Variants in GSDME observed in about 807,000 individuals in gnomAD.
GSDME encodes gasdermin-E.
In GSDME, 44 loss-of-function variants were observed where a neutral mutation model predicts 47.5. The ratio of observed to expected loss-of-function variants is 0.93; its 90% CI spans 0.73 to 1.19. GSDME has a LOEUF of 1.19. Ranked by LOEUF, GSDME falls within the 50% of genes most tolerant of loss-of-function variation. The pLI is 0.00. For synonymous variants in GSDME, 258 were observed against 252.8 expected, an observed-to-expected ratio of 1.02 and a Z score of -0.20; for missense variants, 663 against 604.2, an observed-to-expected ratio of 1.10 and a Z score of -1.02.
intron 3 of GSDME, among the ~76,000 whole-genome samples, chr7:24,741,310 TA>T (rs2128061781): frequency 6.6e-6 from 1 of 152,052 alleles, no homozygotes; most frequent in South Asian, 2.1e-4. Flanking sequence ...AATGAAAGCT[TA>T]TTAAACACAA....
At chr7:24,710,953 C>A (rs568447290) in intron 5 of GSDME, among the ~76,000 whole-genome samples, 105 of 152,192 alleles carry the variant, frequency 6.9e-4, no homozygotes, top group Non-Finnish European at 9.6e-4. Flanking sequence ...AGAATACATT[C>A]TCTCTGAATC....
Position 24,726,595 on chromosome 7 carries a change from G to A in GSDME, c.405-7377C>T, listed in dbSNP as rs1195314019. ...TCCCAGCACTTTGGGAGGCCGAGGC[G>A]GGCGGATCACGAGGTCAGGAGATCG... On this transcript the variant is annotated intron_variant, in intron 3 of 9. Coordinates refer to ENST00000645220, the MANE Select transcript of GSDME (RefSeq NM_001127453.2). This position sits in a 1 kb window ranked among gnomAD's most constrained non-coding sequence, Gnocchi z 5.6. Among the ~76,000 whole-genome samples, 7 of 152,226 alleles carry A rather than the reference G, an allele frequency of 4.6e-5. No homozygotes were observed. Among genetic ancestry groups the A allele is most frequent in the South Asian group, 4.1e-4 (2 of 4,826 alleles).
At position 24,757,287 on chromosome 7, in the gene GSDME, G is replaced by T. The variant is rs2128069315; in HGVS notation, c.-20+109C>A. ...GAGGGGAGGGTGGCCCAGAGAGAAA[G>T]CGCCGCGCGGCCTCGGCTGCCCCCG... On this transcript the variant is annotated intron_variant, in intron 1 of 9. Coordinates refer to ENST00000645220, the MANE Select transcript of GSDME (RefSeq NM_001127453.2). This position sits in a 1 kb window ranked among gnomAD's most constrained non-coding sequence, Gnocchi z 5.9. 1 of 152,726 alleles carries T rather than the reference G, an allele frequency of 6.5e-6. No individual in the cohort carries two copies. 9.5% of individuals were successfully genotyped at this position (152,726 alleles called of 1,614,324 possible).
chr7:24,718,213 C>T (rs1789641501), intron 4 of GSDME, among the ~76,000 whole-genome samples: 4 of 152,250 alleles, frequency 2.6e-5, no homozygotes, highest in Non-Finnish European at 5.9e-5. Context: ...TGGCCCCAGA[C>T]CTCTACCTCC....
chr7:24,719,172 T>A lies in GSDME; in HGVS notation c.451A>T (p.Arg151Trp). 6.2e-7 allele frequency: 1 copy of A among 1,613,806 alleles called. No homozygotes were observed. Among genetic ancestry groups the A allele is most frequent in the Non-Finnish European group, 8.5e-7 (1 of 1,180,016 alleles). ...NPVLQQVLEG[R>W]NEVLCVLTQK... ...GTCAAAACGCACAGGACCTCATTCC[T>A]TCCTTCCAGCACCTGCTGGAGCACA... The change falls in exon 4 of 10, where the codon AGG becomes TGG. Residue 151 changes from arginine to tryptophan, a missense_variant. Coordinates refer to ENST00000645220, the MANE Select transcript of GSDME (RefSeq NM_001127453.2).
chr7:24,727,389 T>C (rs1193987510), intron 3 of GSDME, among the ~76,000 whole-genome samples: 3 of 152,090 alleles, frequency 2.0e-5, no homozygotes, highest in Admixed American at 1.3e-4. Context: ...GGTTTCAACA[T>C]CTCCCCAGAA....
At chr7:24,795,050 C>T in the GSDME span, among the ~76,000 whole-genome samples, 2 of 152,206 alleles carry the variant, frequency 1.3e-5, no homozygotes, top group Non-Finnish European at 2.9e-5. Context: ...GGCCACGCTT[C>T]CACTCAGATG....
the GSDME span, among the ~76,000 whole-genome samples, chr7:24,790,491 A>G: frequency 3.3e-5 from 5 of 152,208 alleles, no homozygotes; most frequent in Non-Finnish European, 1.5e-5. The surrounding 1 kb of genome is among the most constrained non-coding windows in gnomAD (Gnocchi z 4.1). Context: ...GGATGGTTTA[A>G]TAGTGCCAAT....
Position 24,744,383 on chromosome 7 carries a change from C to G in GSDME, c.404+179G>C. The G allele has an allele frequency of 1.4e-6, 1 of 721,516 alleles. No individual in the cohort carries two copies. The highest frequency in any genetic ancestry group is 2.4e-6 in the Non-Finnish European group (1 of 419,740). 44.7% of individuals were successfully genotyped at this position (721,516 alleles called of 1,614,324 possible). ...AGTCTCCCCCCACTCAGGCTAAGAA[C>G]AGTCAAGCAATTCCAGACTAAAGAA... On this transcript the variant is annotated intron_variant, in intron 3 of 9. Coordinates refer to ENST00000645220, the MANE Select transcript of GSDME (RefSeq NM_001127453.2). The surrounding 1 kb of genome is among the most constrained non-coding windows in gnomAD (Gnocchi z 4.5).
chr7:24,712,065 T>C lies in GSDME; in HGVS notation c.698-1677A>G, dbSNP rs1254742412. ...TGCTGAAATGTAGAAGGCATGAGTA[T>C]TAGCAAATATTTTCATTTGCTTGTG... On this transcript the variant is annotated intron_variant, in intron 5 of 9. Coordinates refer to ENST00000645220, the MANE Select transcript of GSDME (RefSeq NM_001127453.2). This position sits in a 1 kb window ranked among gnomAD's most constrained non-coding sequence, Gnocchi z 4.4. 6.6e-6 allele frequency among the ~76,000 whole-genome samples: 1 copy of C among 152,170 alleles called. No individual in the cohort carries two copies. Among genetic ancestry groups the C allele is most frequent in the Admixed American group, 6.5e-5 (1 of 15,280 alleles).
rs112514156 is a variant in GSDME at position 24,710,722 on chromosome 7, T to C, written c.698-334A>G. ...TGATTCTAAACAGACAAATGAAACC[T>C]GACATGCACAAAACAACTAGGAAAA... is the stretch of plus-strand genomic sequence containing the variant. On this transcript the variant is annotated intron_variant, in intron 5 of 9. Transcript: ENST00000645220. 14 of 274,416 alleles carry C rather than the reference T, an allele frequency of 5.1e-5. 1 individual carries two copies. The highest frequency in any genetic ancestry group is 2.8e-4 in the African/African-American group (13 of 46,166). 17.0% of individuals were successfully genotyped at this position (274,416 alleles called of 1,614,324 possible).
chr7:24,744,660 G>A lies in GSDME; in HGVS notation c.306C>T (p.Asn102=). 1 of 1,614,146 alleles carries A rather than the reference G, an allele frequency of 6.2e-7. No individual in the cohort carries two copies. Among genetic ancestry groups the A allele is most frequent in the Non-Finnish European group, 8.5e-7 (1 of 1,180,044 alleles). Residue 102 remains asparagine (N), a synonymous_variant, in exon 3 of 10, where the codon AAC becomes AAT. Transcript: ENST00000645220. This position sits in a 1 kb window ranked among gnomAD's most constrained non-coding sequence, Gnocchi z 4.5. ...LETALGKVKL[N]LGGSSRVESQ... ...TCTCTACGCGGCTGCTGCCCCCCAGGTTCAGCTTGACCTTCCCCAGTGCAG... is the reference window on the plus strand; with the variant it reads ...TCTCTACGCGGCTGCTGCCCCCCAGATTCAGCTTGACCTTCCCCAGTGCAG...
the GSDME span, among the ~76,000 whole-genome samples, chr7:24,766,351 T>C: frequency 3.9e-5 from 6 of 152,086 alleles, no homozygotes; most frequent in Admixed American, 3.3e-4. This position sits in a 1 kb window ranked among gnomAD's most constrained non-coding sequence, Gnocchi z 4.2. Flanking sequence ...CATGTGCAGA[T>C]GTGCAGGTTT....
rs547204039 is a variant in GSDME at position 24,745,541 on chromosome 7, T to C, written c.212-787A>G. Among the ~76,000 whole-genome samples the C allele has an allele frequency of 1.7e-4, 26 of 152,370 alleles. No homozygotes were observed. The highest frequency in any genetic ancestry group is 6.3e-4 in the African/African-American group (26 of 41,594). ...TTAAAATGATAAATGTCTGATCTCA[T>C]ATCTGAACTGTCAGCCTTCTCACAT... is the stretch of plus-strand genomic sequence containing the variant. On this transcript the variant is annotated intron_variant, in intron 2 of 9. Coordinates refer to ENST00000645220, the MANE Select transcript of GSDME (RefSeq NM_001127453.2). This position sits in a 1 kb window ranked among gnomAD's most constrained non-coding sequence, Gnocchi z 4.4.
chr7:24,736,557 C>G lies in GSDME; in HGVS notation c.404+8005G>C, dbSNP rs956717916. ...TATTAAAGCTAAAGAGATAGGCCCC[C>G]AGTGCAGTAATACCTGGAGACATCA... On this transcript the variant is annotated intron_variant, in intron 3 of 9. Transcript: ENST00000645220. This position sits in a 1 kb window ranked among gnomAD's most constrained non-coding sequence, Gnocchi z 4.6. 1.2e-4 allele frequency among the ~76,000 whole-genome samples: 18 copies of G among 152,182 alleles called. No individual in the cohort carries two copies. Among genetic ancestry groups the G allele is most frequent in the Non-Finnish European group, 4.4e-5 (3 of 68,022 alleles).
intron 9 of GSDME, among the ~76,000 whole-genome samples, chr7:24,701,624 CTGT>C (rs778157100): frequency 6.6e-6 from 1 of 152,220 alleles, no homozygotes; most frequent in Non-Finnish European, 1.5e-5. Flanking sequence ...GAAAGCAGAG[CTGT>C]TGTTTTGCTC....
At chr7:24,731,928 T>C (rs567184482) in intron 3 of GSDME, among the ~76,000 whole-genome samples, 39 of 152,306 alleles carry the variant, frequency 2.6e-4, no homozygotes, top group African/African-American at 9.4e-4. Flanking sequence ...AAAATGAGCC[T>C]GAAGTTTACC....
chr7:24,718,374 A>G (rs1315589220), intron 4 of GSDME, among the ~76,000 whole-genome samples: 2 of 152,232 alleles, frequency 1.3e-5, no homozygotes, highest in African/African-American at 4.8e-5. Context: ...GAAGTTTAGT[A>G]CTGGCTCACA....
chr7:24,762,152 G>A (rs1375033876), upstream of GSDME, among the ~76,000 whole-genome samples: 2 of 151,342 alleles, frequency 1.3e-5, no homozygotes, highest in Non-Finnish European at 2.9e-5. Context: ...TACTCGGGAG[G>A]CTGATGCAGG....
Sources: allele counts gnomAD v4.1 joint callset (sites outside exome capture counted in the v4.1 genomes callset), GRCh38; gene constraint gnomAD v4.1.1; non-coding constraint Gnocchi (gnomAD v3.1); transcripts MANE v1.5; gene names NCBI Gene and HGNC (gene_info 2026-07-23, HGNC 2026-07-21).